Variants in CCDC57 observed in about 807,000 individuals in gnomAD.
CCDC57 encodes the protein coiled-coil domain containing 57.
CCDC57 carries 118 observed loss-of-function variants against 118.9 expected under a neutral mutation model. The observed-to-expected ratio is 0.99, with a 90% CI of 0.86 to 1.16. The LOEUF (loss-of-function observed/expected upper bound fraction) is 1.16. Among genes scored for constraint, CCDC57 ranks in the 50% most tolerant of loss-of-function variants. The pLI, the probability that CCDC57 is intolerant of heterozygous loss-of-function variation, is 0.00. For synonymous variants in CCDC57, 527 were observed against 532.9 expected (o/e 0.99, Z 0.15); for missense variants, 1,300 against 1,320.7 (o/e 0.98, Z 0.24).
intron 5 of CCDC57, among the ~76,000 whole-genome samples, chr17:82,194,558 C>T (rs944141352): frequency 6.6e-5 from 10 of 152,128 alleles, no homozygotes; most frequent in African/African-American, 2.4e-4. Context: ...GATCCACCCG[C>T]CTCAGCCTCC....
At chr17:82,180,321 CATT>C (rs539238533) in intron 9 of CCDC57, among the ~76,000 whole-genome samples, 37 of 152,292 alleles carry the variant, frequency 2.4e-4, no homozygotes, top group Admixed American at 1.0e-3. Flanking sequence ...GCCTGGCCAT[CATT>C]GATTCCAGCC....
rs1254155807 is a variant in CCDC57, at chr17:82,192,433, G to T, written c.851+1323C>A. On this transcript the variant is annotated intron_variant, in intron 7 of 19. Transcript: ENST00000665763. The surrounding 1 kb of genome is among the most constrained non-coding windows in gnomAD (Gnocchi z 4.0). ...AGTGAAAAGTTATATGTGAATTTTTGACCTCATGGGGCTAGATGCCCCTAA... is the reference window on the plus strand; with the variant it reads ...AGTGAAAAGTTATATGTGAATTTTTTACCTCATGGGGCTAGATGCCCCTAA... Among the ~76,000 whole-genome samples the T allele has an allele frequency of 1.3e-5, 2 of 152,182 alleles. No homozygotes were observed. Among genetic ancestry groups the T allele is most frequent in the African/African-American group, 4.8e-5 (2 of 41,452 alleles).
intron 2 of CCDC57, among the ~76,000 whole-genome samples, chr17:82,206,407 T>A (rs913267729): frequency 6.6e-6 from 1 of 152,182 alleles, no homozygotes; most frequent in Admixed American, 6.5e-5. Flanking sequence ...CTTCCAGGTC[T>A]CCACTCTCAC....
In CCDC57 at chr17:82,126,821, C is replaced by T. The variant is rs572693983; in HGVS notation, c.2899+871G>A. 2.0e-4 allele frequency: 199 copies of T among 985,378 alleles called. 1 individual carries two copies. In the African/African-American group the frequency reaches 3.3e-3, roughly 17 times the overall value. The allele number at this position is 985,378 out of a possible 1,614,324, so 61.0% of individuals were successfully genotyped here. On this transcript the variant is annotated intron_variant, in intron 19 of 19. Coordinates refer to ENST00000665763, the Ensembl canonical transcript of CCDC57. ...GTGACGGTAAAGGACTGGAAATAGC[C>T]TAAAATGCGCATGAAGGAGAGAATG...
At chr17:82,116,612 G>T (rs1000521871) in intron 19 of CCDC57, among the ~76,000 whole-genome samples, 1 of 152,174 alleles carries the variant, frequency 6.6e-6, no homozygotes, top group African/African-American at 2.4e-5. Context: ...CAGAACAAGG[G>T]CTGGGCCTTG....
chr17:82,102,405 C>T (rs925592769), intron 19 of CCDC57, among the ~76,000 whole-genome samples: 3 of 152,250 alleles, frequency 2.0e-5, no homozygotes, highest in South Asian at 2.1e-4. Flanking sequence ...CCCAGGAGTG[C>T]GCTACACACA....
At chr17:82,178,541 A>G (rs1409817501) in exon 11 of CCDC57, 1 of 1,613,710 alleles carries the variant, frequency 6.2e-7, no homozygotes, top group East Asian at 2.2e-5. Context: ...TTCCAGGGTC[A>G]CGGCCTTCAG....
intron 2 of CCDC57, among the ~76,000 whole-genome samples, chr17:82,206,418 C>G (rs2049650780): frequency 6.6e-6 from 1 of 152,180 alleles, no homozygotes; most frequent in South Asian, 2.1e-4. Context: ...CCACTCTCAC[C>G]TGACTTTCCA....
chr17:82,171,771 C>T (rs1457430315), exon 13 of CCDC57: 1 of 1,613,924 alleles, frequency 6.2e-7, no homozygotes, highest in Non-Finnish European at 8.5e-7. Context: ...TTAAAGGATC[C>T]AACACATCTT....
rs114352996 is a variant in CCDC57, at chr17:82,201,528, G to A, written c.407+10C>T. ...CACTGCACAGGAGGGCGCGTCGGTC[G>A]GTGGCTCACCTGTGGACGCGCTCCA... On this transcript the variant is annotated intron_variant, in intron 3 of 19. Transcript: ENST00000665763. The A allele has an allele frequency of 5.5e-4, 879 of 1,588,178 alleles. 5 individuals carry two copies. In the African/African-American group the frequency reaches 9.8e-3, roughly 18 times the overall value.
At chr17:82,120,914 C>T (rs1009602964) in intron 19 of CCDC57, among the ~76,000 whole-genome samples, 3 of 152,166 alleles carry the variant, frequency 2.0e-5, no homozygotes, top group African/African-American at 7.2e-5. Context: ...CGCCACCACG[C>T]CCGGCTAATT....
intron 19 of CCDC57, chr17:82,126,398 G>A: frequency 1.0e-6 from 1 of 982,180 alleles, no homozygotes; most frequent in Non-Finnish European, 1.2e-6. Flanking sequence ...GAAGAACTGG[G>A]AGAAAACATT....
At chr17:82,183,668 A>C (rs2046477129) in intron 9 of CCDC57, 106 bp downstream of exon 8, 16 of 1,081,252 alleles carry the variant, frequency 1.5e-5, no homozygotes, top group African/African-American at 3.2e-5. Context: ...CCCCAAGAAA[A>C]TGTGAGGCCA....
intron 13 of CCDC57, among the ~76,000 whole-genome samples, chr17:82,166,494 G>A (rs2044001774): frequency 6.6e-6 from 1 of 151,128 alleles, no homozygotes; most frequent in Admixed American, 6.6e-5. Flanking sequence ...CAGCGTGGGT[G>A]ACAGATCGAG....
intron 16 of CCDC57, among the ~76,000 whole-genome samples, chr17:82,138,071 T>C (rs779612819): frequency 4.6e-5 from 7 of 151,220 alleles, no homozygotes; most frequent in African/African-American, 1.2e-4. Flanking sequence ...GTATTTGAAA[T>C]AATTAGGTAC....
At chr17:82,190,940 G>A (rs2047596968) in intron 7 of CCDC57, among the ~76,000 whole-genome samples, 1 of 151,496 alleles carries the variant, frequency 6.6e-6, no homozygotes, top group South Asian at 2.1e-4. Flanking sequence ...AAGCCTGGCA[G>A]GCTTCCACCA....
intron 14 of CCDC57, among the ~76,000 whole-genome samples, chr17:82,158,759 G>T (rs34796376): frequency 0.47 from 70,643 of 151,140 alleles, 17,278 homozygotes; most frequent in East Asian, 0.88. Context: ...CATCTTAGTT[G>T]GTTGCTTAGG....
chr17:82,151,288 C>T (rs546862219), intron 16 of CCDC57, among the ~76,000 whole-genome samples: 83 of 147,554 alleles, frequency 5.6e-4, no homozygotes, highest in Admixed American at 1.2e-3. Flanking sequence ...CAGAACCAGG[C>T]GCATACCCAG....
At chr17:82,195,039 C>T (rs574460070) in intron 5 of CCDC57, among the ~76,000 whole-genome samples, 2 of 152,390 alleles carry the variant, frequency 1.3e-5, no homozygotes, top group East Asian at 3.9e-4. Flanking sequence ...CAGATGCAGG[C>T]GGAGGTGAAC....
Sources: allele counts gnomAD v4.1 joint callset (sites outside exome capture counted in the v4.1 genomes callset), GRCh38; gene constraint gnomAD v4.1.1; non-coding constraint Gnocchi (gnomAD v3.1); transcripts MANE v1.5; gene names NCBI Gene and HGNC (gene_info 2026-07-23, HGNC 2026-07-21).